The following ADAM8 variants were observed in gnomAD, a reference collection of about 807,000 sequenced individuals.
ADAM8 encodes disintegrin and metalloproteinase domain-containing protein 8.
Under a neutral mutation model 102.4 loss-of-function variants are expected in ADAM8, and 104 were observed. That is an observed-to-expected ratio of 1.02 (90% CI 0.87 to 1.20). ADAM8 has a LOEUF of 1.20. Ranked by LOEUF, ADAM8 falls within the 50% of genes most tolerant of loss-of-function variation. The probability of loss-of-function intolerance (pLI) is 0.00; values close to 1 mark genes in which losing one functional copy is unlikely to be tolerated. For synonymous variants in ADAM8, 517 were observed against 485.2 expected (o/e 1.07, Z -0.86); for missense variants, 1,132 against 1,159.0 (o/e 0.98, Z 0.34).
chr10:133,273,997 T>TTGGC lies in ADAM8; in HGVS notation c.259_260insGCCA (p.Tyr87CysfsTer60). 1.2e-6 allele frequency: 2 copies of TTGGC among 1,608,124 alleles called. No individual in the cohort carries two copies. The highest frequency in any genetic ancestry group is 1.7e-6 in the Non-Finnish European group (2 of 1,178,758). On this transcript the variant is annotated frameshift_variant, in exon 4 of 23. Transcript: ENST00000445355. LOFTEE classifies it high-confidence loss of function. ...CACCTCGGAGCCATTGGCAGCCGTA[T>TTGGC]AGGTCTCTGTGTAGCCGGAGCCCAG... is the stretch of plus-strand genomic sequence containing the variant.
chr10:133,271,339 C>A, intron 12 of ADAM8, 50 bp from the exon 13 acceptor site: 1 of 1,576,734 alleles, frequency 6.3e-7, no homozygotes, highest in Non-Finnish European at 8.6e-7. Flanking sequence ...CCGGGCTGGG[C>A]TCCAGGGCGG....
intron 9 of ADAM8, 60 bp downstream of exon 9, chr10:133,272,356 C>T: frequency 8.3e-7 from 1 of 1,208,228 alleles, no homozygotes; most frequent in Non-Finnish European, 1.1e-6. Context: ...CTCCCTTCCA[C>T]CCCACCCTGC....
chr10:133,271,540 G>A lies in ADAM8; in HGVS notation c.1272C>T (p.Cys424=), dbSNP rs776495933. Residue 424 remains cysteine (C), a synonymous_variant, in exon 12 of 23, where the codon TGC becomes TGT. Coordinates refer to ENST00000445355, the MANE Select transcript of ADAM8 (RefSeq NM_001109.5). ...GGCATGGACGCACCTCGGGGGGGCC[G>A]CAGTCGCACTGCTCCCCACGCTCCA... ...LFVERGEQCD[C]GPPEDCRNRC... 3.1e-5 allele frequency: 48 copies of A among 1,555,050 alleles called. No homozygotes were observed. The highest frequency in any genetic ancestry group is 3.6e-5 in the South Asian group (3 of 84,464).
At position 133,268,077 on chromosome 10, in the gene ADAM8, A is replaced by AG; in HGVS notation, c.2104dup (p.Leu702ProfsTer98). On this transcript the variant is annotated frameshift_variant, in exon 20 of 23. Transcript: ENST00000445355. LOFTEE classifies it high-confidence loss of function. ...CACGCGGCTGGCAGCCTGGTGGAACAGGGGGTTGGAGCGCCCCATTGTGGT... is the reference window on the plus strand; with the variant it reads ...CACGCGGCTGGCAGCCTGGTGGAACAGGGGGGTTGGAGCGCCCCATTGTGGT... The AG allele has an allele frequency of 7.9e-7, 1 of 1,273,580 alleles. No individual in the cohort carries two copies. The highest frequency in any genetic ancestry group is 1.5e-5 in the African/African-American group (1 of 65,420). 78.9% of individuals were successfully genotyped at this position (1,273,580 alleles called of 1,614,324 possible). A position where few individuals can be genotyped will look rare whatever the true frequency, so the allele number is the denominator to read the frequency against.
rs924037909 is a variant in ADAM8, at chr10:133,268,047, G to A, written c.2135C>T (p.Ala712Val). The A allele has an allele frequency of 6.3e-6, 8 of 1,265,442 alleles. No individual in the cohort carries two copies. Among genetic ancestry groups the A allele is most frequent in the Admixed American group, 3.8e-5 (1 of 26,308 alleles). The allele number at this position is 1,265,442 out of a possible 1,614,324, so 78.4% of individuals were successfully genotyped here. A position where few individuals can be genotyped will look rare whatever the true frequency, so the allele number is the denominator to read the frequency against. ...GGATGGGGCTGGAGCCCCGCCCTTG[G>A]CCGGCACGCGGCTGGCAGCCTGGTG... is the stretch of plus-strand genomic sequence containing the variant. ...LFHQAASRVP[A>V]KGGAPAPSRG... Residue 712 changes from alanine (A) to valine (V), a missense_variant, in exon 20 of 23, where the codon GCC (alanine) becomes GTC (valine). Coordinates refer to ENST00000445355, the MANE Select transcript of ADAM8 (RefSeq NM_001109.5).
chr10:133,269,870 G>A (rs774701194), intron 17 of ADAM8, 27 bp downstream of exon 17: 3 of 1,611,126 alleles, frequency 1.9e-6, no homozygotes, highest in African/African-American at 2.7e-5. Flanking sequence ...TCTGTGCAGG[G>A]GCCCTGTCCC....
In ADAM8 at chr10:133,271,005, G is replaced by A. The variant is rs539109707; in HGVS notation, c.1440C>T (p.Asp480=). ...CTTCCGGGCACTCAGGGTGCCGGCC[G>A]TCACAGAACTCCTCGAGGTCACACA... The part of the protein sequence containing the change: ...KDMCDLEEFC[D]GRHPECPEDA... The change falls in exon 14 of 23, where the codon GAC becomes GAT. Residue 480 remains aspartate (D), a synonymous_variant. Coordinates refer to ENST00000445355, the MANE Select transcript of ADAM8 (RefSeq NM_001109.5). 1.2e-4 allele frequency: 190 copies of A among 1,612,820 alleles called. 2 individuals are homozygous for A. Among genetic ancestry groups the A allele is most frequent in the African/African-American group, 3.5e-4 (26 of 75,050 alleles).
In ADAM8 at chr10:133,273,781, T is replaced by C. The variant is rs2136091953; in HGVS notation, c.364A>G (p.Ser122Gly). 1 of 1,548,842 alleles carries C rather than the reference T, an allele frequency of 6.5e-7. No homozygotes were observed. Among genetic ancestry groups the C allele is most frequent in the African/African-American group, 1.4e-5 (1 of 73,106 alleles). Residue 122 changes from serine to glycine, a missense_variant, in exon 5 of 23, where the codon AGC becomes GGC. Physicochemically the swap from Ser to Gly is moderately conservative, Grantham distance 56. Transcript: ENST00000445355. ...ACCCACCTGAGGCCGGCACAGGTGC[T>C]GAGGCTGGCGGCTGAGTCCGGGTAC... is the stretch of plus-strand genomic sequence containing the variant. ...EGYPDSAASLSTCAGLRGFFQ... is the reference protein window; with the variant it reads ...EGYPDSAASLGTCAGLRGFFQ...
chr10:133,271,938 G>A lies in ADAM8; in HGVS notation c.974C>T (p.Pro325Leu), dbSNP rs769089060. 4 of 1,611,542 alleles carry A rather than the reference G, an allele frequency of 2.5e-6. No homozygotes were observed. In the East Asian group the frequency reaches 8.9e-5, roughly 36 times the overall value. Reference protein sequence around the residue: ...GAVNQDHSKNPVGVACTMAHE... With the variant: ...GAVNQDHSKNLVGVACTMAHE... ...GGCCATGGTACAGGCCACGCCCACG[G>A]GGTTCTTGCTGTGGTCCTGCAGGAG... is the stretch of plus-strand genomic sequence containing the variant. The change falls in exon 11 of 23, where the codon CCC becomes CTC. Residue 325 changes from proline (P) to leucine (L), a missense_variant. Transcript: ENST00000445355.
intron 15 of ADAM8, 82 bp downstream of exon 15, chr10:133,270,654 G>A: frequency 1.9e-6 from 3 of 1,549,184 alleles, no homozygotes; most frequent in East Asian, 4.6e-5. Flanking sequence ...CATGGGAGCA[G>A]GACCCTTTGC....
intron 22 of ADAM8, 37 bp from the exon 23 acceptor site, chr10:133,263,270 A>G: frequency 6.4e-7 from 1 of 1,553,788 alleles, no homozygotes; most frequent in Non-Finnish European, 8.7e-7. Context: ...TTGAAAAACT[A>G]CCTGCTATAA....
intron 21 of ADAM8, among the ~76,000 whole-genome samples, chr10:133,264,989 T>C (rs58133675): frequency 1.7e-5 from 2 of 119,506 alleles, no homozygotes; most frequent in Admixed American, 1.8e-4. Flanking sequence ...TCCACGCCTG[T>C]TCCTGCTGCA....
chr10:133,271,425 G>C lies in ADAM8; in HGVS notation c.1284+103C>G, dbSNP rs369896771. On this transcript the variant is annotated intron_variant, in intron 12 of 22. Transcript: ENST00000445355. ...TGTGACCGCTCTGGACACCCACAGAGCCCCAAGTTCCACGTGTGGATGTGC... is the reference window on the plus strand; with the variant it reads ...TGTGACCGCTCTGGACACCCACAGACCCCCAAGTTCCACGTGTGGATGTGC... 48 of 1,471,062 alleles carry C rather than the reference G, an allele frequency of 3.3e-5. No homozygotes were observed. The East Asian group carries it at 7.2e-4, about 22-fold the overall frequency. 91.1% of individuals were successfully genotyped at this position (1,471,062 alleles called of 1,614,324 possible).
At position 133,273,011 on chromosome 10, in the gene ADAM8, CAG is replaced by C. The variant is rs764412566; in HGVS notation, c.580_581del (p.Leu194AlafsTer60). ...AVFRPRPGDS[L>X]PSRETRYVEL... Reference sequence around the variant, plus strand: ...CCACGTAGCGGGTCTCTCGGGATGGCAGAGAGTCCTGGGGAACAGCCACAAGA... The same window carrying C: ...CCACGTAGCGGGTCTCTCGGGATGGCAGAGTCCTGGGGAACAGCCACAAGA... On this transcript the variant is annotated frameshift_variant, in exon 7 of 23. Transcript: ENST00000445355. LOFTEE classifies it high-confidence loss of function. 3 of 1,612,770 alleles carry C rather than the reference CAG, an allele frequency of 1.9e-6. No individual in the cohort carries two copies. The highest frequency in any genetic ancestry group is 2.5e-6 in the Non-Finnish European group (3 of 1,179,850).
chr10:133,270,059 T>G (rs995404897), intron 16 of ADAM8, 85 bp from the exon 17 acceptor site: 14 of 1,466,950 alleles, frequency 9.5e-6, no homozygotes, highest in African/African-American at 1.4e-5. Context: ...AAGCTGGGGG[T>G]GGGCTGTGGT....
Position 133,272,472 on chromosome 10 carries a change from G to GT in ADAM8, c.818_819insA (p.Trp274LeufsTer13). 3 of 1,611,630 alleles carry GT rather than the reference G, an allele frequency of 1.9e-6. No homozygotes were observed. Among genetic ancestry groups the GT allele is most frequent in the Non-Finnish European group, 2.5e-6 (3 of 1,179,774 alleles). The stretch of plus-strand genomic sequence containing the variant: ...GCCGTGTCCGTTGCCGTGCCTGCCA[G>GT]GTCAGGAGGTTCTCCAGTGTGACAC... On this transcript the variant is annotated frameshift_variant, in exon 9 of 23. Transcript: ENST00000445355. LOFTEE classifies it high-confidence loss of function.
chr10:133,275,457 A>AC, intron 2 of ADAM8, 27 bp downstream of exon 2: 1 of 1,489,928 alleles, frequency 6.7e-7, no homozygotes, highest in Non-Finnish European at 9.0e-7. Flanking sequence ...CCAGCCAGGG[A>AC]CCCTCCCCAG....
rs370426789 is a variant in ADAM8, at chr10:133,269,539, C to T, written c.1864-10G>A. ...GCTTGTGGTTGCACACCTGCGGGGACGGCTGGGCTCAGGGCCAACCCTGTT... is the reference window on the plus strand; with the variant it reads ...GCTTGTGGTTGCACACCTGCGGGGATGGCTGGGCTCAGGGCCAACCCTGTT... On this transcript the variant is annotated splice_polypyrimidine_tract_variant and intron_variant, in intron 17 of 22. Transcript: ENST00000445355. 4.7e-5 allele frequency: 74 copies of T among 1,587,194 alleles called. No individual in the cohort carries two copies. The highest frequency in any genetic ancestry group is 8.0e-5 in the African/African-American group (6 of 74,554).
intron 2 of ADAM8, 34 bp from the exon 3 acceptor site, chr10:133,274,269 C>T: frequency 6.6e-7 from 1 of 1,504,042 alleles, no homozygotes; most frequent in Non-Finnish European, 8.8e-7. Context: ...AGGTGAGCAG[C>T]CTGCCCGGGC....
Sources: allele counts gnomAD v4.1 joint callset (sites outside exome capture counted in the v4.1 genomes callset), GRCh38; gene constraint gnomAD v4.1.1; transcripts MANE v1.5; gene names NCBI Gene and HGNC (gene_info 2026-07-23, HGNC 2026-07-21).